The following PITPNC1 variants were observed in gnomAD, a reference collection of about 807,000 sequenced individuals.
The protein encoded by PITPNC1 is cytoplasmic phosphatidylinositol transfer protein 1.
A neutral mutation model predicts 44.7 loss-of-function variants in PITPNC1; 18 were observed. The observed-to-expected ratio is 0.40, with a 90% CI of 0.28 to 0.60. PITPNC1 has a LOEUF of 0.60. Ranked by LOEUF, PITPNC1 falls within the 20% of genes least tolerant of loss-of-function variation. The probability of loss-of-function intolerance (pLI) is 0.39; values close to 1 mark genes in which losing one functional copy is unlikely to be tolerated. For synonymous variants in PITPNC1, 141 were observed against 149.6 expected (o/e 0.94, Z 0.42); for missense variants, 290 against 418.4 (o/e 0.69, Z 2.68).
At chr17:67,602,713 A>T (rs1027095555) in intron 5 of PITPNC1, among the ~76,000 whole-genome samples, 1 of 152,116 alleles carries the variant, frequency 6.6e-6, no homozygotes, top group African/African-American at 2.4e-5. Context: ...CACTCATTCT[A>T]CAAGTGACCA....
At chr17:67,378,947 G>C in intron 1 of PITPNC1, 1 of 984,540 alleles carries the variant, frequency 1.0e-6, no homozygotes, top group Non-Finnish European at 1.2e-6. Flanking sequence ...TGGGGGCGCC[G>C]GGCGCGGGGC....
At chr17:67,649,787 A>G (rs2042189551) in intron 6 of PITPNC1, among the ~76,000 whole-genome samples, 1 of 151,980 alleles carries the variant, frequency 6.6e-6, no homozygotes, top group Non-Finnish European at 1.5e-5. Flanking sequence ...CAGGCTCAAT[A>G]ATTTGCTAGA....
At chr17:67,424,178 C>T (rs982464106) in intron 1 of PITPNC1, among the ~76,000 whole-genome samples, 3 of 150,610 alleles carry the variant, frequency 2.0e-5, no homozygotes, top group African/African-American at 7.3e-5. Context: ...GGAAAACTAG[C>T]GAATGGTATG....
chr17:67,579,905 A>G (rs1299059050), intron 5 of PITPNC1, among the ~76,000 whole-genome samples: 2 of 151,322 alleles, frequency 1.3e-5, no homozygotes, highest in African/African-American at 4.9e-5. Flanking sequence ...GCGCCACTGC[A>G]CTCCAGCCTG....
intron 1 of PITPNC1, among the ~76,000 whole-genome samples, chr17:67,401,535 T>C (rs1458938915): frequency 6.6e-6 from 1 of 152,180 alleles, no homozygotes; most frequent in Non-Finnish European, 1.5e-5. Flanking sequence ...ATGCTGACTC[T>C]TTAAACATTT....
intron 1 of PITPNC1, chr17:67,525,264 C>T (rs554601519): frequency 3.3e-5 from 5 of 152,106 alleles, no homozygotes; most frequent in African/African-American, 4.8e-5. Context: ...TGGACCCAGC[C>T]GTGGAATAGA....
chr17:67,399,861 G>C (rs1318168318), intron 1 of PITPNC1, among the ~76,000 whole-genome samples: 2 of 152,226 alleles, frequency 1.3e-5, no homozygotes, highest in African/African-American at 4.8e-5. Context: ...CTGTGGAAGA[G>C]TGTGGACACG....
At chr17:67,687,949 T>C (rs2042846552) in intron 8 of PITPNC1, among the ~76,000 whole-genome samples, 1 of 151,700 alleles carries the variant, frequency 6.6e-6, no homozygotes, top group Non-Finnish European at 1.5e-5. Context: ...TTTCTTTGCA[T>C]CTTCAGCCAG....
At chr17:67,441,615 A>T (rs1042422025) in intron 1 of PITPNC1, among the ~76,000 whole-genome samples, 9 of 152,212 alleles carry the variant, frequency 5.9e-5, no homozygotes, top group African/African-American at 2.2e-4. Flanking sequence ...ATCCGATCAC[A>T]GCTGTAAAGA....
intron 6 of PITPNC1, among the ~76,000 whole-genome samples, chr17:67,643,198 G>A (rs1000086922): frequency 2.0e-5 from 3 of 152,152 alleles, no homozygotes; most frequent in Non-Finnish European, 2.9e-5. Flanking sequence ...TCAGGAGTTC[G>A]AGACCATGGC....
intron 6 of PITPNC1, among the ~76,000 whole-genome samples, chr17:67,660,337 C>G (rs1279549521): frequency 6.6e-6 from 1 of 152,076 alleles, no homozygotes; most frequent in Non-Finnish European, 1.5e-5. Flanking sequence ...CCCAGCAATT[C>G]CGGGGTGCTA....
chr17:67,680,574 T>G (rs2042684235), intron 8 of PITPNC1, among the ~76,000 whole-genome samples: 1 of 146,662 alleles, frequency 6.8e-6, no homozygotes, highest in African/African-American at 2.5e-5. Flanking sequence ...CACTCCAGCC[T>G]GGGCAACAAG....
chr17:67,587,027 T>G (rs112942062), intron 5 of PITPNC1, among the ~76,000 whole-genome samples: 23 of 152,188 alleles, frequency 1.5e-4, no homozygotes, highest in African/African-American at 4.6e-4. Flanking sequence ...AGGGATGATC[T>G]CAGGCTTTCT....
At chr17:67,533,604 T>C (rs755669653) in intron 2 of PITPNC1, among the ~76,000 whole-genome samples, 2 of 152,248 alleles carry the variant, frequency 1.3e-5, no homozygotes, top group Non-Finnish European at 2.9e-5. Context: ...AAGTAAGTGC[T>C]GGAGGTGGCA....
At chr17:67,552,131 C>T (rs941984108) in intron 2 of PITPNC1, 126 bp from the exon 3 acceptor site, 18 of 655,342 alleles carry the variant, frequency 2.7e-5, no homozygotes, top group Non-Finnish European at 2.7e-6. Context: ...GGGGAAAGGG[C>T]AGCTGTGGAG....
chr17:67,412,711 C>T (rs1029178000), intron 1 of PITPNC1, among the ~76,000 whole-genome samples: 1 of 152,074 alleles, frequency 6.6e-6, no homozygotes, highest in East Asian at 1.9e-4. Context: ...GGATTACAGG[C>T]GCCCACCACC....
chr17:67,587,714 CTG>C lies in PITPNC1; in HGVS notation c.366+9458_366+9459del, dbSNP rs544483276. On this transcript the variant is annotated intron_variant, in intron 5 of 8. Transcript: ENST00000581322. ...CTTGGTTAAGACTAATTTTCAATCACTGGGCTGTGCTTGGTTTTAGGAAATAA... is the reference window on the plus strand; with the variant it reads ...CTTGGTTAAGACTAATTTTCAATCACGGCTGTGCTTGGTTTTAGGAAATAA... 3.4e-4 allele frequency among the ~76,000 whole-genome samples: 52 copies of C among 152,296 alleles called. 1 individual carries two copies. Among genetic ancestry groups the C allele is most frequent in the African/African-American group, 1.3e-3 (52 of 41,566 alleles).
intron 1 of PITPNC1, among the ~76,000 whole-genome samples, chr17:67,450,181 C>A (rs1381036457): frequency 6.6e-6 from 1 of 152,188 alleles, no homozygotes; most frequent in African/African-American, 2.4e-5. Flanking sequence ...TTTCATGAAT[C>A]TTGCAGTATT....
At chr17:67,512,499 T>TAA (rs2040199341) in intron 1 of PITPNC1, among the ~76,000 whole-genome samples, 1 of 48,124 alleles carries the variant, frequency 2.1e-5, no homozygotes, top group African/African-American at 9.6e-5. Flanking sequence ...AGACTGTGTC[T>TAA]CAAAAAAAAA....
Sources: allele counts gnomAD v4.1 joint callset (sites outside exome capture counted in the v4.1 genomes callset), GRCh38; gene constraint gnomAD v4.1.1; transcripts MANE v1.5; gene names NCBI Gene and HGNC (gene_info 2026-07-23, HGNC 2026-07-21).